DIP2C: variants seen among roughly 807,000 people sequenced by gnomAD.
DIP2C encodes the protein disco-interacting protein 2 homolog C.
A neutral mutation model predicts 192.4 loss-of-function variants in DIP2C; 33 were observed. The observed-to-expected ratio is 0.17, with a 90% CI of 0.13 to 0.23. DIP2C has a LOEUF of 0.23. Ranked by LOEUF, DIP2C falls within the 10% of genes least tolerant of loss-of-function variation. The pLI, the probability that DIP2C is intolerant of heterozygous loss-of-function variation, is 1.00. For missense variants in DIP2C, 1,537 were observed against 2,110.1 expected, an observed-to-expected ratio of 0.73 and a Z score of 5.32; for synonymous variants, 979 against 864.1, an observed-to-expected ratio of 1.13 and a Z score of -2.33.
chr10:592,111 T>A (rs865873863), intron 1 of DIP2C, among the ~76,000 whole-genome samples: 2 of 152,240 alleles, frequency 1.3e-5, no homozygotes, highest in Non-Finnish European at 2.9e-5. Flanking sequence ...TATAAACGTA[T>A]AATTAGACAT....
intron 1 of DIP2C, among the ~76,000 whole-genome samples, chr10:506,622 C>T (rs1845609326): frequency 1.3e-5 from 2 of 152,212 alleles, no homozygotes; most frequent in Admixed American, 6.5e-5. Flanking sequence ...AACACGCATG[C>T]CTACACCACC....
chr10:643,886 C>T (rs768290558), intron 1 of DIP2C, among the ~76,000 whole-genome samples: 15 of 152,146 alleles, frequency 9.9e-5, no homozygotes, highest in Non-Finnish European at 2.2e-4. Context: ...ACTTCACAGA[C>T]GTATGAGGGT....
intron 32 of DIP2C, among the ~76,000 whole-genome samples, chr10:295,418 G>A (rs953547395): frequency 6.6e-5 from 10 of 151,634 alleles, no homozygotes; most frequent in East Asian, 5.8e-4. Flanking sequence ...AAAATTAGCC[G>A]GGTGCGGTGG....
At chr10:401,275 A>G (rs1227890633) in intron 9 of DIP2C, among the ~76,000 whole-genome samples, 1 of 151,358 alleles carries the variant, frequency 6.6e-6, no homozygotes, top group East Asian at 1.9e-4. Context: ...CATGTGGGGT[A>G]GCATTAGCAT....
intron 1 of DIP2C, among the ~76,000 whole-genome samples, chr10:535,707 A>AT (rs1375083034): frequency 1.3e-5 from 2 of 152,130 alleles, no homozygotes; most frequent in East Asian, 3.9e-4. Flanking sequence ...TAAAAACTGT[A>AT]TGTGGGCTAT....
At chr10:481,924 C>T (rs1843641687) in intron 2 of DIP2C, among the ~76,000 whole-genome samples, 1 of 152,222 alleles carries the variant, frequency 6.6e-6, no homozygotes, top group African/African-American at 2.4e-5. Flanking sequence ...TTTCCGTGAG[C>T]AGGCAGCCGG....
chr10:522,598 T>C (rs988557299), intron 1 of DIP2C, among the ~76,000 whole-genome samples: 8 of 152,264 alleles, frequency 5.3e-5, no homozygotes, highest in Non-Finnish European at 1.2e-4. Flanking sequence ...GGCTGCTGGG[T>C]GCGCAGTGGC....
At chr10:670,522 A>T (rs574126120) in intron 1 of DIP2C, among the ~76,000 whole-genome samples, 2 of 152,346 alleles carry the variant, frequency 1.3e-5, no homozygotes, top group African/African-American at 4.8e-5. Flanking sequence ...GAGACAACAT[A>T]GGGGGACGGC....
intron 3 of DIP2C, among the ~76,000 whole-genome samples, chr10:446,011 GTC>G (rs757302124): frequency 8.5e-6 from 1 of 118,078 alleles, no homozygotes; most frequent in Non-Finnish European, 1.5e-5. Flanking sequence ...GTCGTGAAGA[GTC>G]TATCTTGCAC....
chr10:301,120 C>T (rs560954365), intron 32 of DIP2C, among the ~76,000 whole-genome samples: 1 of 152,162 alleles, frequency 6.6e-6, no homozygotes, highest in East Asian at 1.9e-4. Context: ...GTGGCCTTGC[C>T]GGGTGCCACC....
At chr10:466,872 G>A (rs1397024373) in intron 3 of DIP2C, among the ~76,000 whole-genome samples, 1 of 139,904 alleles carries the variant, frequency 7.1e-6, no homozygotes, top group Non-Finnish European at 1.6e-5. Flanking sequence ...TCATTAAAAA[G>A]TCAGGAAACA....
chr10:394,965 G>A (rs985939479), intron 10 of DIP2C, among the ~76,000 whole-genome samples: 1 of 152,142 alleles, frequency 6.6e-6, no homozygotes, highest in African/African-American at 2.4e-5. Flanking sequence ...CGTCAGTGAG[G>A]AGGGAAGCCT....
chr10:290,625 C>T (rs1423636597), intron 32 of DIP2C, among the ~76,000 whole-genome samples: 1 of 152,192 alleles, frequency 6.6e-6, no homozygotes, highest in Non-Finnish European at 1.5e-5. Flanking sequence ...TGGGCTTCAC[C>T]CCAAATGAAG....
chr10:568,664 G>A (rs1168877762), intron 1 of DIP2C, among the ~76,000 whole-genome samples: 1 of 150,524 alleles, frequency 6.6e-6, no homozygotes, highest in Non-Finnish European at 1.5e-5. Flanking sequence ...TACTCGGGAG[G>A]CTGAGGCAGG....
intron 1 of DIP2C, among the ~76,000 whole-genome samples, chr10:557,766 G>GC (rs1848970334): frequency 7.0e-5 from 5 of 71,306 alleles, no homozygotes; most frequent in Admixed American, 1.2e-4. Context: ...GGGGGAGGGG[G>GC]AGGATGGGCG....
At chr10:470,204 T>A (rs1464497203) in intron 3 of DIP2C, among the ~76,000 whole-genome samples, 1 of 151,776 alleles carries the variant, frequency 6.6e-6, no homozygotes, top group Admixed American at 6.6e-5. Flanking sequence ...ATAGACAGAG[T>A]ATCATGTGGT....
intron 1 of DIP2C, among the ~76,000 whole-genome samples, chr10:613,982 G>A (rs74115077): frequency 0.099 from 15,126 of 152,178 alleles, 995 homozygotes; most frequent in African/African-American, 0.18. Context: ...CCCACATACA[G>A]GACCAGGAAA....
At chr10:412,938 A>G (rs1253745398) in intron 8 of DIP2C, among the ~76,000 whole-genome samples, 2 of 152,238 alleles carry the variant, frequency 1.3e-5, no homozygotes, top group African/African-American at 4.8e-5. Context: ...CAGACACAAT[A>G]TGAACCATTT....
At chr10:375,046 G>A (rs2132826408) in intron 17 of DIP2C, among the ~76,000 whole-genome samples, 1 of 152,322 alleles carries the variant, frequency 6.6e-6, no homozygotes, top group Non-Finnish European at 1.5e-5. Flanking sequence ...GATATGGAAG[G>A]AGCAAAATAC....
Sources: gnomAD v4.1 joint callset for allele counts (sites outside exome capture counted in the v4.1 genomes callset) on GRCh38, gnomAD v4.1.1 for gene constraint, MANE v1.5 for transcripts, NCBI Gene and HGNC (gene_info 2026-07-23, HGNC 2026-07-21) for gene names.